The following PHF2 variants were observed in gnomAD, a reference collection of about 807,000 sequenced individuals.
PHF2 encodes lysine-specific demethylase PHF2.
In PHF2, 27 loss-of-function variants were observed where a neutral mutation model predicts 120.5. That is an observed-to-expected ratio of 0.22 (90% CI 0.17 to 0.31). The LOEUF (loss-of-function observed/expected upper bound fraction) is 0.31, where lower values mean the gene tolerates loss of function less well. Ranked by LOEUF, PHF2 falls within the 10% of genes least tolerant of loss-of-function variation. PHF2 has a pLI of 1.00. For synonymous variants in PHF2, 568 were observed against 592.5 expected (o/e 0.96, Z 0.60); for missense variants, 1,024 against 1,434.8 (o/e 0.71, Z 4.63).
chr9:93,676,540 T>C (rs1434245170), intron 20 of PHF2, 54 bp from the exon 21 acceptor site: 38 of 1,546,590 alleles, frequency 2.5e-5, no homozygotes, highest in Non-Finnish European at 2.9e-5. Context: ...CTCCCTGCTC[T>C]GTTGGCCCAA....
rs373859680 is a variant in PHF2 at position 93,576,763 on chromosome 9, G to A, written c.-11G>A. On this transcript the variant is annotated 5_prime_UTR_variant, in exon 1 of 22. Transcript: ENST00000359246. ...CAGCGGCGGGGCCGAGCGGCGGCGC[G>A]GCGCGGCAACATGGCGACGGTGCCC... 1.7e-4 allele frequency: 205 copies of A among 1,210,530 alleles called. 1 individual carries two copies. The African/African-American group carries it at 3.1e-3, about 18-fold the overall frequency. 75.0% of individuals were successfully genotyped at this position (1,210,530 alleles called of 1,614,324 possible).
At chr9:93,607,439 ATTTTTTTT>A (rs36083667) in intron 1 of PHF2, among the ~76,000 whole-genome samples, 3 of 100,550 alleles carry the variant, frequency 3.0e-5, no homozygotes, top group East Asian at 5.8e-4. Flanking sequence ...TGCCTGGCTA[ATTTTTTTT>A]TTTTTTTTTT....
chr9:93,659,992 G>A (rs1243510855), intron 11 of PHF2, among the ~76,000 whole-genome samples, 200 bp from the exon 12 acceptor site: 2 of 152,196 alleles, frequency 1.3e-5, no homozygotes, highest in Non-Finnish European at 2.9e-5. Context: ...CTCATGGCAT[G>A]TCGCAGGTGT....
intron 7 of PHF2, among the ~76,000 whole-genome samples, chr9:93,655,272 G>T (rs1449885622): frequency 1.8e-5 from 2 of 112,840 alleles, no homozygotes; most frequent in Non-Finnish European, 3.5e-5. Flanking sequence ...GTTTTATAGG[G>T]TTGGTTTTTT....
intron 1 of PHF2, among the ~76,000 whole-genome samples, chr9:93,615,021 G>T (rs1407126880): frequency 1.3e-5 from 2 of 151,870 alleles, no homozygotes; most frequent in Non-Finnish European, 2.9e-5. Context: ...TAATGATGGT[G>T]ATGGTGATGA....
intron 1 of PHF2, among the ~76,000 whole-genome samples, chr9:93,612,314 T>A (rs181038878): frequency 1.7e-3 from 191 of 113,674 alleles, no homozygotes; most frequent in Admixed American, 5.6e-3. Context: ...CCCAAGAAGT[T>A]TTTACTAATG....
At chr9:93,580,480 C>T (rs899494193) in intron 1 of PHF2, among the ~76,000 whole-genome samples, 1 of 152,186 alleles carries the variant, frequency 6.6e-6, no homozygotes, top group Non-Finnish European at 1.5e-5. Context: ...GGATGGAGAC[C>T]AGGCCCCATG....
chr9:93,677,288 T>A lies in PHF2; in HGVS notation c.3203-300T>A, dbSNP rs1353719695. Among the ~76,000 whole-genome samples, 1 of 151,576 alleles carries A rather than the reference T, an allele frequency of 6.6e-6. No homozygotes were observed. The highest frequency in any genetic ancestry group is 1.5e-5 in the Non-Finnish European group (1 of 67,886). ...GTGCTGGCAGTGGCTCCTGGCCTTG[T>A]TACTGGGGGTGGTGCCCAGGCATCC... On this transcript the variant is annotated intron_variant, in intron 21 of 21. Transcript: ENST00000359246. The surrounding 1 kb of genome is among the most constrained non-coding windows in gnomAD (Gnocchi z 4.4).
chr9:93,669,192 AC>A (rs1368032946), intron 17 of PHF2, among the ~76,000 whole-genome samples: 1 of 151,868 alleles, frequency 6.6e-6, no homozygotes, highest in Non-Finnish European at 1.5e-5. Context: ...GTCCCTGGCC[AC>A]CCCCCAGCCC....
At chr9:93,580,116 C>T (rs1230916279) in intron 1 of PHF2, among the ~76,000 whole-genome samples, 1 of 152,164 alleles carries the variant, frequency 6.6e-6, no homozygotes, top group Non-Finnish European at 1.5e-5. Context: ...GGATGTGTGT[C>T]CCTTCACCAA....
intron 13 of PHF2, 151 bp from the exon 14 acceptor site, chr9:93,663,366 C>G (rs950865506): frequency 1.5e-6 from 1 of 672,954 alleles, no homozygotes; most frequent in Admixed American, 2.4e-5. Flanking sequence ...GGCCCCTGAG[C>G]ACCCCGCAGT....
At chr9:93,583,760 T>C (rs1810957848) in intron 1 of PHF2, among the ~76,000 whole-genome samples, 1 of 152,186 alleles carries the variant, frequency 6.6e-6, no homozygotes, top group Non-Finnish European at 1.5e-5. Context: ...GGATTGCTTG[T>C]CTTTTTATTG....
intron 1 of PHF2, among the ~76,000 whole-genome samples, chr9:93,615,395 G>T (rs937419925): frequency 3.3e-5 from 5 of 152,184 alleles, no homozygotes; most frequent in African/African-American, 1.2e-4. Flanking sequence ...CAGTGATGAT[G>T]ATGACGATGA....
rs549332904 is a variant in PHF2 at position 93,647,561 on chromosome 9, G to A, written c.461-1510G>A. On this transcript the variant is annotated intron_variant, in intron 4 of 21. Coordinates refer to ENST00000359246, the MANE Select transcript of PHF2 (RefSeq NM_005392.4). The stretch of plus-strand genomic sequence containing the variant: ...GCCACCAGCTTTCAGCCAGTTTTCC[G>A]TTTCCCCACTTTTTTGTTCTCTTTG... Among the ~76,000 whole-genome samples the A allele has an allele frequency of 9.9e-5, 15 of 152,200 alleles. No homozygotes were observed. In the South Asian group the frequency reaches 1.5e-3, roughly 15 times the overall value.
At chr9:93,675,634 A>T (rs1826896105) in intron 19 of PHF2, 46 bp from the exon 20 acceptor site, 1 of 1,470,632 alleles carries the variant, frequency 6.8e-7, no homozygotes, top group South Asian at 1.1e-5. Context: ...AGGGGTGGAC[A>T]GGCTGTGGCC....
Position 93,665,861 on chromosome 9 carries a change from T to G in PHF2, c.2113T>G (p.Ser705Ala). 6.3e-7 allele frequency: 1 copy of G among 1,598,066 alleles called. No homozygotes were observed. The change falls in exon 15 of 22, where the codon TCC (serine) becomes GCC (alanine). Residue 705 changes from serine (S) to alanine (A), a missense_variant. Transcript: ENST00000359246. Reference sequence around the variant, plus strand: ...GAAAAACGCCCCGAAAAGGGACTTGTCCTGTGAGTTGGGAGGGGGTGTTGG... The same window carrying G: ...GAAAAACGCCCCGAAAAGGGACTTGGCCTGTGAGTTGGGAGGGGGTGTTGG... Reference protein sequence around the residue: ...RKKNAPKRDLSFLLDKKAVLP... With the variant: ...RKKNAPKRDLAFLLDKKAVLP...
intron 7 of PHF2, among the ~76,000 whole-genome samples, chr9:93,655,040 T>A (rs1386580346): frequency 1.3e-5 from 2 of 152,176 alleles, no homozygotes; most frequent in Admixed American, 6.5e-5. Context: ...GAGTCTGTGC[T>A]GAAGGAGAAG....
chr9:93,617,512 A>G (rs1307506536), intron 1 of PHF2, among the ~76,000 whole-genome samples: 2 of 152,150 alleles, frequency 1.3e-5, no homozygotes, highest in Non-Finnish European at 2.9e-5. Context: ...AGATCCCAAG[A>G]GGCAATTGTG....
At chr9:93,578,617 G>A (rs1360832026) in intron 1 of PHF2, among the ~76,000 whole-genome samples, 1 of 152,200 alleles carries the variant, frequency 6.6e-6, no homozygotes, top group East Asian at 1.9e-4. Context: ...GTGAGAGAAC[G>A]CGAGAAGACC....
Sources: allele counts gnomAD v4.1 joint callset (sites outside exome capture counted in the v4.1 genomes callset), GRCh38; gene constraint gnomAD v4.1.1; non-coding constraint Gnocchi (gnomAD v3.1); transcripts MANE v1.5; gene names NCBI Gene and HGNC (gene_info 2026-07-23, HGNC 2026-07-21).